RARS2: variants seen among roughly 807,000 people sequenced by gnomAD.
RARS2 encodes the protein probable arginine--tRNA ligase, mitochondrial.
RARS2 carries 67 observed loss-of-function variants against 88.5 expected under a neutral mutation model. The observed-to-expected ratio is 0.76, with a 90% CI of 0.62 to 0.93. RARS2 has a LOEUF of 0.93. Ranked by LOEUF, RARS2 falls within the 40% of genes least tolerant of loss-of-function variation. RARS2 has a pLI of 0.00. For synonymous variants in RARS2, 239 were observed against 230.3 expected, an observed-to-expected ratio of 1.04 and a Z score of -0.34; for missense variants, 664 against 684.2, an observed-to-expected ratio of 0.97 and a Z score of 0.33.
intron 1 of RARS2, among the ~76,000 whole-genome samples, chr6:87,572,446 T>C (rs1318517384): frequency 1.3e-5 from 2 of 152,206 alleles, no homozygotes; most frequent in Non-Finnish European, 2.9e-5. Context: ...AGCTGACAAA[T>C]AGGTTGTGAA....
At position 87,515,029 on chromosome 6, in the gene RARS2, GGAA is replaced by G. The variant is rs1562041271; in HGVS notation, c.1587-12_1587-10del. 6.2e-7 allele frequency: 1 copy of G among 1,607,968 alleles called. No individual in the cohort carries two copies. Among genetic ancestry groups the G allele is most frequent in the Non-Finnish European group, 8.5e-7 (1 of 1,174,428 alleles). On this transcript the variant is annotated splice_polypyrimidine_tract_variant and intron_variant, in intron 18 of 19. Coordinates refer to ENST00000369536, the MANE Select transcript of RARS2 (RefSeq NM_020320.5). Reference sequence around the variant, plus strand: ...CCACAGCTGCAAGATGACTGAAACAGGAAGAGAGAAATCACGATAGTACCAGCA... The same window carrying G: ...CCACAGCTGCAAGATGACTGAAACAGGAGAGAAATCACGATAGTACCAGCA...
chr6:87,555,587 A>C (rs571518328), intron 4 of RARS2, 82 bp from the exon 5 acceptor site: 9 of 1,108,492 alleles, frequency 8.1e-6, no homozygotes, highest in Admixed American at 5.7e-5. Context: ...AAATGTTGCC[A>C]ATTTGTTCAC....
Position 87,545,693 on chromosome 6 carries a change from A to C in RARS2, c.458T>G (p.Phe153Cys). The change falls in exon 7 of 20, where the codon TTT (phenylalanine) becomes TGT (cysteine). Residue 153 changes from phenylalanine (F) to cysteine (C), a missense_variant. Phe to Cys is a radical substitution (Grantham distance 205). Coordinates refer to ENST00000369536, the MANE Select transcript of RARS2 (RefSeq NM_020320.5). Reference protein sequence around the residue: ...GHLRSTIIGNFIANLKEALGH... With the variant: ...GHLRSTIIGNCIANLKEALGH... ...TAAAGCTTCTTTGAGATTTGCTATA[A>C]AATTTCCTAGTAATCAATAAAGTAT... 1 of 1,613,058 alleles carries C rather than the reference A, an allele frequency of 6.2e-7. No homozygotes were observed. Among genetic ancestry groups the C allele is most frequent in the Non-Finnish European group, 8.5e-7 (1 of 1,179,614 alleles).
intron 5 of RARS2, among the ~76,000 whole-genome samples, chr6:87,554,186 T>C (rs986030066): frequency 6.6e-6 from 1 of 152,224 alleles, no homozygotes; most frequent in Non-Finnish European, 1.5e-5. Context: ...AAGACTGTTC[T>C]TCAGCTTTAG....
chr6:87,522,324 C>G (rs898213022), intron 11 of RARS2, among the ~76,000 whole-genome samples: 7 of 131,156 alleles, frequency 5.3e-5, no homozygotes, highest in Middle Eastern at 4.4e-3. Flanking sequence ...AGCAAGACAC[C>G]GTCTCAATTA....
intron 11 of RARS2, among the ~76,000 whole-genome samples, chr6:87,522,007 CA>C (rs1774012827): frequency 6.6e-6 from 1 of 152,176 alleles, no homozygotes; most frequent in African/African-American, 2.4e-5. Flanking sequence ...TTGGGTCAGT[CA>C]GGGGGAATAC....
chr6:87,562,888 T>C, intron 3 of RARS2, 103 bp from the exon 4 acceptor site: 1 of 823,628 alleles, frequency 1.2e-6, no homozygotes, highest in South Asian at 1.4e-5. Flanking sequence ...AAGTAAGTCA[T>C]CTTTCATGGT....
chr6:87,514,567 G>T, intron 19 of RARS2, 68 bp from the exon 20 acceptor site: 1 of 1,303,618 alleles, frequency 7.7e-7, no homozygotes, highest in Non-Finnish European at 1.1e-6. Flanking sequence ...CATGAGAATG[G>T]TTTTAAAGGT....
At chr6:87,535,354 G>C (rs1213889091) in intron 8 of RARS2, among the ~76,000 whole-genome samples, 1 of 152,072 alleles carries the variant, frequency 6.6e-6, no homozygotes, top group Non-Finnish European at 1.5e-5. Flanking sequence ...TGTGTCTTGA[G>C]GAATAGATAC....
At chr6:87,546,744 T>C (rs1782728783) in intron 6 of RARS2, among the ~76,000 whole-genome samples, 1 of 152,232 alleles carries the variant, frequency 6.6e-6, no homozygotes, top group Non-Finnish European at 1.5e-5. Flanking sequence ...CTGCCTTTAC[T>C]AAGAATGGAT....
At chr6:87,519,439 C>T in intron 14 of RARS2, 144 bp downstream of exon 14, 1 of 859,266 alleles carries the variant, frequency 1.2e-6, no homozygotes, top group South Asian at 1.5e-5. Flanking sequence ...AATTCTGGCA[C>T]CTCTAATTAG....
chr6:87,521,471 A>C lies in RARS2; in HGVS notation c.1028T>G (p.Ile343Arg). 1 of 1,604,396 alleles carries C rather than the reference A, an allele frequency of 6.2e-7. No individual in the cohort carries two copies. The highest frequency in any genetic ancestry group is 8.5e-7 in the Non-Finnish European group (1 of 1,171,566). Residue 343 changes from isoleucine (I) to arginine (R), a missense_variant, in exon 12 of 20, where the codon ATA becomes AGA. Transcript: ENST00000369536. ...RMDKYNFDTM[I>R]YVTDKGQKKH... ...TTTGTTCTGATTACTTACCACATATATCATTGTATCAAAATTATACTTGTC... is the reference window on the plus strand; with the variant it reads ...TTTGTTCTGATTACTTACCACATATCTCATTGTATCAAAATTATACTTGTC...
intron 8 of RARS2, among the ~76,000 whole-genome samples, chr6:87,541,492 A>G (rs1780941378): frequency 6.6e-6 from 1 of 151,820 alleles, no homozygotes; most frequent in Non-Finnish European, 1.5e-5. Context: ...AACATTTTCA[A>G]TTATGTTTTG....
At chr6:87,515,155 G>A in intron 18 of RARS2, 135 bp from the exon 19 acceptor site, 1 of 756,358 alleles carries the variant, frequency 1.3e-6, no homozygotes, top group Non-Finnish European at 2.3e-6. Flanking sequence ...AAATTGTGAA[G>A]TTGAAACTGG....
intron 3 of RARS2, among the ~76,000 whole-genome samples, chr6:87,563,047 T>C (rs1193818078): frequency 6.6e-6 from 1 of 152,160 alleles, no homozygotes; most frequent in Non-Finnish European, 1.5e-5. Flanking sequence ...AAATTCACCT[T>C]GTAACAAGTA....
At chr6:87,542,064 G>C (rs182917994) in intron 7 of RARS2, 70 bp from the exon 8 acceptor site, 1 of 1,219,866 alleles carries the variant, frequency 8.2e-7, no homozygotes, top group East Asian at 2.4e-5. Flanking sequence ...CAGGGAATAG[G>C]TATAATTCTA....
chr6:87,552,678 G>C lies in RARS2; in HGVS notation c.395+2730C>G, dbSNP rs77444836. On this transcript the variant is annotated intron_variant, in intron 5 of 19. Coordinates refer to ENST00000369536, the MANE Select transcript of RARS2 (RefSeq NM_020320.5). ...TGGGAAACCAAAACTTAAGAGGAAA[G>C]CCAGGGAATCAATGAGTAAGGAAGA... Among the ~76,000 whole-genome samples the C allele has an allele frequency of 8.9e-3, 1,357 of 152,136 alleles. 20 individuals are homozygous for C. The highest frequency in any genetic ancestry group is 0.03 in the African/African-American group (1,262 of 41,480).
intron 5 of RARS2, among the ~76,000 whole-genome samples, chr6:87,550,674 T>C (rs1208531204): frequency 6.6e-6 from 1 of 151,054 alleles, no homozygotes; most frequent in Non-Finnish European, 1.5e-5. Flanking sequence ...TAAATAAGTA[T>C]TGTATGTACT....
At chr6:87,589,578 T>C (rs1202043063) in intron 1 of RARS2, 37 of 795,308 alleles carry the variant, frequency 4.7e-5, no homozygotes, top group Non-Finnish European at 5.6e-5. Flanking sequence ...CCATCATCAA[T>C]GTCACTAAAG....
Sources: gnomAD v4.1 joint callset for allele counts (sites outside exome capture counted in the v4.1 genomes callset) on GRCh38, gnomAD v4.1.1 for gene constraint, MANE v1.5 for transcripts, NCBI Gene and HGNC (gene_info 2026-07-23, HGNC 2026-07-21) for gene names.